The following GORASP2 variants were observed in gnomAD, a reference collection of about 807,000 sequenced individuals.
GORASP2 encodes the protein golgi reassembly stacking protein 2, also known as Golgi reassembly-stacking protein 2.
A neutral mutation model predicts 45.7 loss-of-function variants in GORASP2; 22 were observed. The ratio of observed to expected loss-of-function variants is 0.48; its 90% CI spans 0.34 to 0.69. GORASP2 has a LOEUF of 0.69. GORASP2 is among the 30% of genes least tolerant of loss of function. GORASP2 has a pLI of 0.01. For missense variants in GORASP2, 491 were observed against 562.7 expected (o/e 0.87, Z 1.29); for synonymous variants, 221 against 215.6 (o/e 1.02, Z -0.22).
intron 1 of GORASP2, among the ~76,000 whole-genome samples, chr2:170,944,213 T>C (rs779537437): frequency 3.9e-5 from 6 of 152,184 alleles, no homozygotes; most frequent in Non-Finnish European, 7.3e-5. Flanking sequence ...GTGGATAACA[T>C]TGCAAGAGAA....
At chr2:170,948,577 A>C (rs1487065499) in intron 2 of GORASP2, 147 bp downstream of exon 2, 1 of 569,226 alleles carries the variant, frequency 1.8e-6, no homozygotes, top group Non-Finnish European at 3.1e-6. Context: ...ATTAATAAAC[A>C]TTGAAATATC....
intron 1 of GORASP2, 50 bp downstream of exon 1, chr2:170,929,453 G>C (rs752596096): frequency 7.0e-6 from 9 of 1,290,624 alleles, no homozygotes; most frequent in Non-Finnish European, 9.0e-6. Flanking sequence ...GGCGGGGCCG[G>C]CCGCGGGGAG....
In GORASP2 at chr2:170,954,626, G is replaced by A. The variant is rs746358167; in HGVS notation, c.567-24G>A. Reference sequence around the variant, plus strand: ...AATACAAGCTGTGATAGATAACAACGTTAAGAAAAAAATGTTTTTATAGCC... The same window carrying A: ...AATACAAGCTGTGATAGATAACAACATTAAGAAAAAAATGTTTTTATAGCC... On this transcript the variant is annotated intron_variant, in intron 5 of 9. Coordinates refer to ENST00000234160, the MANE Select transcript of GORASP2 (RefSeq NM_015530.5). 1.3e-5 allele frequency: 21 copies of A among 1,588,436 alleles called. No individual in the cohort carries two copies. The Admixed American group carries it at 2.4e-4, about 18-fold the overall frequency.
At chr2:170,950,536 G>A (rs772035644) in intron 4 of GORASP2, among the ~76,000 whole-genome samples, 2 of 152,200 alleles carry the variant, frequency 1.3e-5, no homozygotes, top group Non-Finnish European at 2.9e-5. Context: ...AGAAATCTTT[G>A]CATACCTGAA....
At position 170,951,325 on chromosome 2, in the gene GORASP2, C is replaced by G. The variant is rs1202833271; in HGVS notation, c.436-3C>G. 2 of 1,589,326 alleles carry G rather than the reference C, an allele frequency of 1.3e-6. No individual in the cohort carries two copies. The highest frequency in any genetic ancestry group is 1.7e-6 in the Non-Finnish European group (2 of 1,170,594). ...AACATTTTCTCCTGTGACACTTTTG[C>G]AGTCTGAAGATCTATTCAGCCTTAT... On this transcript the variant is annotated splice_polypyrimidine_tract_variant and splice_region_variant and intron_variant, in intron 4 of 9. Coordinates refer to ENST00000234160, the MANE Select transcript of GORASP2 (RefSeq NM_015530.5).
chr2:170,961,579 G>C, intron 7 of GORASP2, 84 bp from the exon 8 acceptor site: 1 of 801,818 alleles, frequency 1.2e-6, no homozygotes, highest in Non-Finnish European at 2.3e-6. Context: ...GGGCAAGGAG[G>C]GACTGCAGAT....
At chr2:170,950,062 G>A (rs1704266135) in intron 3 of GORASP2, 142 bp from the exon 4 acceptor site, 1 of 563,878 alleles carries the variant, frequency 1.8e-6, no homozygotes, top group Non-Finnish European at 3.2e-6. Context: ...AATATATTCT[G>A]TAGTTTCTGA....
At chr2:170,931,281 G>A (rs112822857) in intron 1 of GORASP2, among the ~76,000 whole-genome samples, 3 of 152,306 alleles carry the variant, frequency 2.0e-5, no homozygotes, top group African/African-American at 7.2e-5. Context: ...TAATGATCTA[G>A]TTTAGGAGAA....
At chr2:170,929,617 G>A in intron 1 of GORASP2, 2 of 591,998 alleles carry the variant, frequency 3.4e-6, no homozygotes, top group African/African-American at 2.0e-5. Context: ...GCGGCTGTAG[G>A]AGGACGGGCT....
At chr2:170,940,116 A>G (rs1213856506) in intron 1 of GORASP2, among the ~76,000 whole-genome samples, 1 of 152,346 alleles carries the variant, frequency 6.6e-6, no homozygotes, top group Non-Finnish European at 1.5e-5. Flanking sequence ...ACATTCTAGT[A>G]AGCCAATTTT....
intron 1 of GORASP2, among the ~76,000 whole-genome samples, chr2:170,934,660 A>G (rs200110984): frequency 6.6e-6 from 1 of 152,306 alleles, no homozygotes; most frequent in Non-Finnish European, 1.5e-5. Context: ...ATTGTTTTCT[A>G]TATATAAAGT....
At chr2:170,936,788 A>G (rs1703969750) in intron 1 of GORASP2, 4 of 460,112 alleles carry the variant, frequency 8.7e-6, no homozygotes, top group African/African-American at 2.0e-5. Context: ...TCCGGTCTCA[A>G]TAAAAGCAAA....
At chr2:170,963,473 C>CCCTCCTCCT (rs947340628) in intron 9 of GORASP2, among the ~76,000 whole-genome samples, 18 of 127,588 alleles carry the variant, frequency 1.4e-4, no homozygotes, top group East Asian at 4.0e-4. Context: ...CTCCTCCTCC[C>CCCTCCTCCT]CCTCCTCCTC....
upstream of GORASP2, chr2:170,928,868 A>T (rs1703740424): frequency 6.5e-6 from 1 of 153,808 alleles, no homozygotes; most frequent in Non-Finnish European, 1.4e-5. Flanking sequence ...GAGAACAGAG[A>T]GCTTGGTGTG....
intron 1 of GORASP2, among the ~76,000 whole-genome samples, chr2:170,933,852 T>G (rs1271223592): frequency 6.6e-6 from 1 of 152,146 alleles, no homozygotes; most frequent in Non-Finnish European, 1.5e-5. Context: ...GATGGATATT[T>G]TGAAGGAAGG....
chr2:170,930,651 A>ATT (rs11383834), intron 1 of GORASP2, among the ~76,000 whole-genome samples: 3 of 149,902 alleles, frequency 2.0e-5, no homozygotes, highest in Admixed American at 6.7e-5. Flanking sequence ...GGAAAGGGTG[A>ATT]TTTTTTTTTT....
intron 1 of GORASP2, among the ~76,000 whole-genome samples, chr2:170,934,417 G>A (rs1419599482): frequency 6.6e-6 from 1 of 151,736 alleles, no homozygotes; most frequent in Non-Finnish European, 1.5e-5. Context: ...CTGTCATCAC[G>A]CCCAGCTAAT....
intron 1 of GORASP2, among the ~76,000 whole-genome samples, chr2:170,934,184 C>G (rs1470136089): frequency 2.7e-5 from 4 of 150,740 alleles, no homozygotes; most frequent in Non-Finnish European, 5.9e-5. Flanking sequence ...TTCTGATATT[C>G]AATAGTCATT....
At chr2:170,957,444 A>G (rs1704453046) in intron 7 of GORASP2, among the ~76,000 whole-genome samples, 1 of 151,998 alleles carries the variant, frequency 6.6e-6, no homozygotes, top group African/African-American at 2.4e-5. Context: ...ACGGCAGCCA[A>G]TTTTTGTATT....
Sources: gnomAD v4.1 joint callset for allele counts (sites outside exome capture counted in the v4.1 genomes callset) on GRCh38, gnomAD v4.1.1 for gene constraint, MANE v1.5 for transcripts, NCBI Gene and HGNC (gene_info 2026-07-23, HGNC 2026-07-21) for gene names.